IDH1: variants seen among roughly 807,000 people sequenced by gnomAD.
IDH1 encodes the protein isocitrate dehydrogenase [NADP] cytoplasmic.
A neutral mutation model predicts 46.1 loss-of-function variants in IDH1; 33 were observed. The observed-to-expected ratio is 0.72, with a 90% CI of 0.54 to 0.96. The LOEUF is 0.96. IDH1 is among the 40% of genes least tolerant of loss of function. The pLI is 0.00. For missense variants in IDH1, 421 were observed against 515.7 expected (o/e 0.82, Z 1.78); for synonymous variants, 144 against 172.8 (o/e 0.83, Z 1.31).
In IDH1 at chr2:208,236,526, A is replaced by G. The variant is rs902730824; in HGVS notation, c.*553T>C. On this transcript the variant is annotated 3_prime_UTR_variant, in exon 10 of 10. Coordinates refer to ENST00000345146, the MANE Select transcript of IDH1 (RefSeq NM_005896.4). ...CTAAACAGTATTTAGTCTATTGGAA[A>G]CATTCAGCAAGGTCTTTACAAAAAT... 4 of 235,694 alleles carry G rather than the reference A, an allele frequency of 1.7e-5. No individual in the cohort carries two copies. Among genetic ancestry groups the G allele is most frequent in the African/African-American group, 6.6e-5 (3 of 45,294 alleles). The allele number at this position is 235,694 out of a possible 1,614,324, so 14.6% of individuals were successfully genotyped here.
chr2:208,247,391 C>T (rs1688043208), intron 4 of IDH1: 1 of 152,090 alleles, frequency 6.6e-6, no homozygotes. Context: ...TTTTTCCAGG[C>T]AGGAAGGAAT....
intron 8 of IDH1, 90 bp from the exon 9 acceptor site, chr2:208,239,323 T>C: frequency 2.1e-6 from 3 of 1,407,022 alleles, no homozygotes; most frequent in Non-Finnish European, 3.0e-6. Flanking sequence ...CAGAATAGTT[T>C]TTTGTTTAGG....
At position 208,243,527 on chromosome 2, in the gene IDH1, C is replaced by A. The variant is rs370342586; in HGVS notation, c.598G>T (p.Ala200Ser). The change falls in exon 6 of 10, where the codon GCT becomes TCT. Residue 200 changes from alanine (A) to serine (S), a missense_variant. Ala to Ser is a moderately conservative substitution (Grantham distance 99). Coordinates refer to ENST00000345146, the MANE Select transcript of IDH1 (RefSeq NM_005896.4). ...EDFAHSSFQM[A>S]LSKGWPLYLS... ...TACAAAGGCCAACCCTTAGACAGAG[C>A]CATTTGGAAGGAACTGTGTGCAAAA... The A allele has an allele frequency of 1.3e-5, 21 of 1,613,642 alleles. No individual in the cohort carries two copies. The highest frequency in any genetic ancestry group is 2.7e-5 in the African/African-American group (2 of 74,914).
At chr2:208,238,211 A>C (rs113664044) in intron 9 of IDH1, among the ~76,000 whole-genome samples, 1,650 of 151,706 alleles carry the variant, frequency 0.011, 38 homozygotes, top group African/African-American at 0.038. Flanking sequence ...AATTTTTTGT[A>C]TTTTTAGTGG....
At position 208,245,341 on chromosome 2, in the gene IDH1, T is replaced by C; in HGVS notation, c.498A>G (p.Thr166=). ...TACCTTCAAAGTTATGTACCAGGTA[T>C]GTCACCTTTTGGGTTCCGTCACTTG... ...YTPSDGTQKV[T]YLVHNFEEGG... is the part of the protein sequence containing the mutation. The change falls in exon 5 of 10, where the codon ACA becomes ACG. Residue 166 remains threonine, a synonymous_variant. Coordinates refer to ENST00000345146, the MANE Select transcript of IDH1 (RefSeq NM_005896.4). The C allele has an allele frequency of 6.2e-7, 1 of 1,601,708 alleles. No individual in the cohort carries two copies. Among genetic ancestry groups the C allele is most frequent in the Non-Finnish European group, 8.5e-7 (1 of 1,169,670 alleles).
intron 9 of IDH1, among the ~76,000 whole-genome samples, chr2:208,238,179 G>A (rs1456466093): frequency 5.9e-5 from 9 of 151,676 alleles, no homozygotes; most frequent in African/African-American, 2.2e-4. Flanking sequence ...GGGACTACAG[G>A]TGCCCGCCAC....
In IDH1 at chr2:208,250,048, C is replaced by T. The variant is rs549558922; in HGVS notation, c.122+1382G>A. On this transcript the variant is annotated intron_variant, in intron 3 of 9. Coordinates refer to ENST00000345146, the MANE Select transcript of IDH1 (RefSeq NM_005896.4). ...AAAACAAACTACCTGCTCCATTCTC[C>T]TGAAAAAGAACCAGTCAGTGATAAT... is the stretch of plus-strand genomic sequence containing the variant. 1.1e-3 allele frequency among the ~76,000 whole-genome samples: 166 copies of T among 151,966 alleles called. 2 individuals are homozygous for T. Among genetic ancestry groups the T allele is most frequent in the Non-Finnish European group, 1.7e-3 (118 of 68,024 alleles).
chr2:208,236,879 A>G lies in IDH1; in HGVS notation c.*200T>C. 1.8e-6 allele frequency: 1 copy of G among 555,970 alleles called. No homozygotes were observed. The highest frequency in any genetic ancestry group is 2.4e-5 in the South Asian group (1 of 41,072). The allele number at this position is 555,970 out of a possible 1,614,324, so 34.4% of individuals were successfully genotyped here. On this transcript the variant is annotated 3_prime_UTR_variant, in exon 10 of 10. Coordinates refer to ENST00000345146, the MANE Select transcript of IDH1 (RefSeq NM_005896.4). ...GAAAATAAAATAAAAATTGTAAAAA[A>G]GTCCCTTGCCATGTTCACAAAGGTG...
intron 4 of IDH1, chr2:208,248,031 C>T (rs1688054737): frequency 3.1e-6 from 1 of 320,874 alleles, no homozygotes; most frequent in Non-Finnish European, 5.8e-6. Context: ...TATTGTGCAG[C>T]CAGTGTTGAA....
intron 7 of IDH1, among the ~76,000 whole-genome samples, chr2:208,241,083 T>G (rs1559359491): frequency 1.3e-5 from 2 of 152,202 alleles, no homozygotes; most frequent in Admixed American, 6.5e-5. Flanking sequence ...GGCAACTTGG[T>G]GCTGAGGAAA....
At chr2:208,243,724 A>G in intron 5 of IDH1, 120 bp from the exon 6 acceptor site, 1 of 821,422 alleles carries the variant, frequency 1.2e-6, no homozygotes, top group Non-Finnish European at 2.0e-6. Flanking sequence ...CACATCTGAG[A>G]CTAGATTTCA....
At chr2:208,245,478 G>T (rs1574406731) in intron 4 of IDH1, 54 bp from the exon 5 acceptor site, 2 of 910,118 alleles carry the variant, frequency 2.2e-6, no homozygotes, top group Non-Finnish European at 1.8e-6. Context: ...AGCAGGAATT[G>T]TAAGGAGAAT....
intron 7 of IDH1, chr2:208,240,392 A>G (rs1167640015): frequency 5.6e-6 from 1 of 178,830 alleles, no homozygotes; most frequent in Non-Finnish European, 1.2e-5. Flanking sequence ...ATATACATAT[A>G]TTCATAAATA....
Position 208,239,921 on chromosome 2 carries a change from A to G in IDH1, c.933T>C (p.Thr311=). The change falls in exon 8 of 10, where the codon ACT becomes ACC. Residue 311 remains threonine, a synonymous_variant. Transcript: ENST00000345146. ...GGTACATGCGGTAGTGACGGGTTAC[A>G]GTCCCGTGGGCAGCCTCTGCTTCTA... ...KTVEAEAAHG[T]VTRHYRMYQK... 6.2e-7 allele frequency: 1 copy of G among 1,614,120 alleles called. No individual in the cohort carries two copies. The highest frequency in any genetic ancestry group is 1.7e-5 in the Admixed American group (1 of 60,028).
intron 9 of IDH1, among the ~76,000 whole-genome samples, chr2:208,237,441 G>T (rs1458638358): frequency 6.6e-6 from 1 of 152,122 alleles, no homozygotes; most frequent in African/African-American, 2.4e-5. Context: ...CTTTGGGGGT[G>T]AAATTATCAT....
rs1324084517 is a variant in IDH1 at position 208,242,141 on chromosome 2, A to T, written c.703T>A (p.Tyr235Asn). 1 of 1,613,738 alleles carries T rather than the reference A, an allele frequency of 6.2e-7. No homozygotes were observed. The highest frequency in any genetic ancestry group is 8.5e-7 in the Non-Finnish European group (1 of 1,179,866). The change falls in exon 7 of 10, where the codon TAC (tyrosine) becomes AAC (asparagine). Residue 235 changes from tyrosine (Y) to asparagine (N), a missense_variant. Tyr to Asn is a moderately radical substitution (Grantham distance 143). Coordinates refer to ENST00000345146, the MANE Select transcript of IDH1 (RefSeq NM_005896.4). ...DIFQEIYDKQ[Y>N]KSQFEAQKIW... ...TTTTGAGCTTCAAACTGGGACTTGT[A>T]CTGCCTGGGAAACAAAAGGTAAAAG... is the stretch of plus-strand genomic sequence containing the variant.
chr2:208,237,046 A>G lies in IDH1; in HGVS notation c.*33T>C. On this transcript the variant is annotated 3_prime_UTR_variant, in exon 10 of 10. Transcript: ENST00000345146. Reference sequence around the variant, plus strand: ...GTAAACCTGTAGACCTAGTTACCAAAAGACAATTATCCTTCTTAGCTCAGG... The same window carrying G: ...GTAAACCTGTAGACCTAGTTACCAAGAGACAATTATCCTTCTTAGCTCAGG... 8.1e-7 allele frequency: 1 copy of G among 1,237,064 alleles called. No homozygotes were observed. Among genetic ancestry groups the G allele is most frequent in the Non-Finnish European group, 1.2e-6 (1 of 844,430 alleles). 76.6% of individuals were successfully genotyped at this position (1,237,064 alleles called of 1,614,324 possible).
intron 7 of IDH1, 188 bp from the exon 8 acceptor site, chr2:208,240,191 G>T: frequency 3.1e-6 from 2 of 647,572 alleles, no homozygotes. Flanking sequence ...AGAGCCAATG[G>T]GTCTGGAAAG....
chr2:208,247,882 G>A (rs756099370), intron 4 of IDH1: 1 of 174,882 alleles, frequency 5.7e-6, no homozygotes, highest in Non-Finnish European at 1.2e-5. Flanking sequence ...AGATTCACCT[G>A]GGGAGCTTTA....
Sources: gnomAD v4.1 joint callset for allele counts (sites outside exome capture counted in the v4.1 genomes callset) on GRCh38, gnomAD v4.1.1 for gene constraint, MANE v1.5 for transcripts, NCBI Gene and HGNC (gene_info 2026-07-23, HGNC 2026-07-21) for gene names.